GLG1: variants seen among roughly 807,000 people sequenced by gnomAD.
The protein encoded by GLG1 is Golgi apparatus protein 1.
Under a neutral mutation model 160.5 loss-of-function variants are expected in GLG1, and 38 were observed. The observed-to-expected ratio is 0.24, with a 90% CI of 0.18 to 0.31. GLG1 has a LOEUF of 0.31. Among genes scored for constraint, GLG1 ranks in the 10% least tolerant of loss-of-function variants. GLG1 has a pLI of 1.00. For synonymous variants in GLG1, 644 were observed against 543.4 expected, an observed-to-expected ratio of 1.19 and a Z score of -2.57; for missense variants, 1,373 against 1,505.2, an observed-to-expected ratio of 0.91 and a Z score of 1.45.
intron 7 of GLG1, 118 bp downstream of exon 7, chr16:74,492,839 A>AAT: frequency 1.9e-6 from 1 of 531,704 alleles, no homozygotes; most frequent in Non-Finnish European, 3.0e-6. Context: ...AAAAAAAAAA[A>AAT]GAAAAATACT....
At chr16:74,573,246 A>G (rs1396744953) in intron 1 of GLG1, among the ~76,000 whole-genome samples, 3 of 152,224 alleles carry the variant, frequency 2.0e-5, no homozygotes, top group Non-Finnish European at 2.9e-5. Flanking sequence ...CTTTACTACA[A>G]GAAGTTCTGA....
chr16:74,591,204 AC>A (rs1399089667), intron 1 of GLG1, among the ~76,000 whole-genome samples: 5 of 150,864 alleles, frequency 3.3e-5, no homozygotes, highest in Non-Finnish European at 5.9e-5. Context: ...CTTGGCATGC[AC>A]CTGTAGTCCC....
chr16:74,465,145 T>G (rs1270906361), intron 19 of GLG1, among the ~76,000 whole-genome samples: 2 of 152,158 alleles, frequency 1.3e-5, no homozygotes, highest in Non-Finnish European at 2.9e-5. Flanking sequence ...TGCCGAACCT[T>G]GAGTTTAATG....
chr16:74,545,839 T>A (rs1360746991), intron 1 of GLG1, among the ~76,000 whole-genome samples: 2 of 152,342 alleles, frequency 1.3e-5, no homozygotes, highest in Admixed American at 1.3e-4. Context: ...CCAGTCAATA[T>A]AATTCTCTCA....
At chr16:74,472,944 G>A (rs984435132) in intron 13 of GLG1, 1 of 166,908 alleles carries the variant, frequency 6.0e-6, no homozygotes, top group Non-Finnish European at 1.3e-5. Context: ...GCTCTCATAA[G>A]TCCATGATGA....
intron 2 of GLG1, among the ~76,000 whole-genome samples, chr16:74,520,281 A>C (rs1360803247): frequency 6.6e-6 from 1 of 152,052 alleles, no homozygotes; most frequent in East Asian, 1.9e-4. Context: ...CTGGGTTCTT[A>C]ATCTTTCTCT....
chr16:74,589,027 A>G (rs1459410262), intron 1 of GLG1, among the ~76,000 whole-genome samples: 1 of 151,794 alleles, frequency 6.6e-6, no homozygotes, highest in Non-Finnish European at 1.5e-5. Flanking sequence ...GGATAACTTC[A>G]AGTCAGGAGT....
At chr16:74,528,609 C>G (rs1418559179) in intron 2 of GLG1, among the ~76,000 whole-genome samples, 3 of 151,508 alleles carry the variant, frequency 2.0e-5, no homozygotes, top group Non-Finnish European at 4.4e-5. Flanking sequence ...GTCAGGAGTT[C>G]GAGACCAGCC....
intron 1 of GLG1, among the ~76,000 whole-genome samples, chr16:74,579,300 T>C (rs1177215685): frequency 6.6e-6 from 1 of 151,986 alleles, no homozygotes; most frequent in Non-Finnish European, 1.5e-5. Context: ...TCCCAGCTCC[T>C]GGGGTGGTGG....
At chr16:74,508,551 G>A (rs977852942) in intron 3 of GLG1, among the ~76,000 whole-genome samples, 1 of 152,116 alleles carries the variant, frequency 6.6e-6, no homozygotes, top group African/African-American at 2.4e-5. Flanking sequence ...GACACAGCAT[G>A]TTGTCCAATG....
chr16:74,544,382 C>A (rs1370991065), intron 1 of GLG1, among the ~76,000 whole-genome samples: 2 of 152,194 alleles, frequency 1.3e-5, no homozygotes, highest in African/African-American at 4.8e-5. Flanking sequence ...GGCACAATCT[C>A]GGCTCACCAC....
intron 1 of GLG1, among the ~76,000 whole-genome samples, chr16:74,553,076 C>T (rs1451959994): frequency 1.3e-5 from 2 of 151,852 alleles, no homozygotes; most frequent in African/African-American, 4.8e-5. Flanking sequence ...AAAAATTAGT[C>T]GGGTGTGGCG....
Position 74,451,720 on chromosome 16 carries a change from C to G in GLG1, c.*1447G>C. ...TGCTCTCTTGTGCAGCCACTGTGAT[C>G]TCATGCCCCAAACTCAACCAAAGGA... On this transcript the variant is annotated 3_prime_UTR_variant, in exon 26 of 26. Coordinates refer to ENST00000422840, the MANE Select transcript of GLG1 (RefSeq NM_001145667.2). 3.2e-6 allele frequency: 1 copy of G among 311,442 alleles called. No homozygotes were observed. The highest frequency in any genetic ancestry group is 6.2e-6 in the Non-Finnish European group (1 of 161,172). The allele number at this position is 311,442 out of a possible 1,614,324, so 19.3% of individuals were successfully genotyped here.
intron 1 of GLG1, among the ~76,000 whole-genome samples, chr16:74,571,461 C>T (rs1021517564): frequency 4.6e-5 from 7 of 152,116 alleles, no homozygotes; most frequent in Admixed American, 2.6e-4. Context: ...TCACTTGAGC[C>T]CAGAAGCTAG....
intron 2 of GLG1, among the ~76,000 whole-genome samples, chr16:74,528,321 G>C (rs901870910): frequency 4.6e-5 from 7 of 151,864 alleles, no homozygotes; most frequent in Non-Finnish European, 7.4e-5. Flanking sequence ...TTTTAAAGGG[G>C]TATTTTTTGC....
At chr16:74,584,184 C>T (rs999673754) in intron 1 of GLG1, among the ~76,000 whole-genome samples, 1 of 152,114 alleles carries the variant, frequency 6.6e-6, no homozygotes, top group African/African-American at 2.4e-5. Context: ...CCCCCGAAAA[C>T]AAAACTAAGT....
At position 74,463,729 on chromosome 16, in the gene GLG1, T is replaced by TGTG. The variant is rs1555507090; in HGVS notation, c.2668-251_2668-250insCAC. Among the ~76,000 whole-genome samples, 3 of 59,952 alleles carry TGTG rather than the reference T, an allele frequency of 5.0e-5. No homozygotes were observed. In the East Asian group the frequency reaches 2.4e-3, roughly 49 times the overall value. 39.3% of individuals were successfully genotyped at this position (59,952 alleles called of 152,430 possible). On this transcript the variant is annotated intron_variant, in intron 19 of 25. Transcript: ENST00000422840. Reference sequence around the variant, plus strand: ...ACCACGCCCAGCTCATTTTTGTGTTTTTTTTGTTGTTGTTGTTGTTGTTTT... The same window carrying TGTG: ...ACCACGCCCAGCTCATTTTTGTGTTTGTGTTTTTGTTGTTGTTGTTGTTGTTTT...
At chr16:74,489,427 C>A (rs112039699) in intron 8 of GLG1, among the ~76,000 whole-genome samples, 1 of 151,374 alleles carries the variant, frequency 6.6e-6, no homozygotes, top group Non-Finnish European at 1.5e-5. Flanking sequence ...GCAGAGGTTG[C>A]GCCATTACAC....
intron 19 of GLG1, among the ~76,000 whole-genome samples, chr16:74,464,999 C>G (rs183484452): frequency 6.6e-6 from 1 of 152,216 alleles, no homozygotes; most frequent in African/African-American, 2.4e-5. Context: ...CCACCACACC[C>G]GGCTAATTTT....
Sources: gnomAD v4.1 joint callset for allele counts (sites outside exome capture counted in the v4.1 genomes callset) on GRCh38, gnomAD v4.1.1 for gene constraint, MANE v1.5 for transcripts, NCBI Gene and HGNC (gene_info 2026-07-23, HGNC 2026-07-21) for gene names.